Variants in DISP1 observed in about 807,000 individuals in gnomAD.
DISP1 encodes protein dispatched homolog 1.
DISP1 carries 30 observed loss-of-function variants against 37.3 expected under a neutral mutation model. The ratio of observed to expected loss-of-function variants is 0.80; its 90% CI spans 0.60 to 1.09. The LOEUF (loss-of-function observed/expected upper bound fraction) is 1.09. Ranked by LOEUF, DISP1 falls within the 50% of genes least tolerant of loss-of-function variation. The pLI is 0.00. For missense variants in DISP1, 1,598 were observed against 1,879.5 expected (o/e 0.85, Z 2.77); for synonymous variants, 634 against 690.2 (o/e 0.92, Z 1.28).
At chr1:222,977,592 A>T (rs1490024930) in intron 3 of DISP1, among the ~76,000 whole-genome samples, 1 of 145,756 alleles carries the variant, frequency 6.9e-6, no homozygotes, top group African/African-American at 2.6e-5. Flanking sequence ...CGTGCAGGTT[A>T]GTTACATATG....
intron 1 of DISP1, among the ~76,000 whole-genome samples, chr1:222,846,020 G>T (rs938913089): frequency 7.2e-5 from 11 of 152,022 alleles, no homozygotes; most frequent in African/African-American, 2.4e-4. Flanking sequence ...CCTAACCTAA[G>T]GTCTTGAAGA....
chr1:222,906,369 C>T (rs1238700642), intron 1 of DISP1, among the ~76,000 whole-genome samples: 1 of 152,120 alleles, frequency 6.6e-6, no homozygotes, highest in African/African-American at 2.4e-5. Flanking sequence ...TACAAAGTTA[C>T]CAGAGGCGTT....
chr1:222,909,839 C>T (rs1011657639), intron 1 of DISP1, among the ~76,000 whole-genome samples: 2 of 152,110 alleles, frequency 1.3e-5, no homozygotes, highest in African/African-American at 4.8e-5. Context: ...GACGGTGGAG[C>T]TCATGCCTGA....
chr1:222,975,570 C>G (rs1353793072), intron 3 of DISP1, among the ~76,000 whole-genome samples: 3 of 152,104 alleles, frequency 2.0e-5, no homozygotes, highest in African/African-American at 7.2e-5. Flanking sequence ...TTTTCTATTA[C>G]CTTTTTTAAA....
At chr1:222,825,366 C>T (rs1572165866) in intron 1 of DISP1, among the ~76,000 whole-genome samples, 1 of 152,010 alleles carries the variant, frequency 6.6e-6, no homozygotes, top group Non-Finnish European at 1.5e-5. Flanking sequence ...TAAATATATA[C>T]AATTTTTATC....
At chr1:222,865,784 TAC>T (rs1232208289) in intron 1 of DISP1, among the ~76,000 whole-genome samples, 2 of 151,950 alleles carry the variant, frequency 1.3e-5, no homozygotes, top group Non-Finnish European at 2.9e-5. Context: ...CTGATTTTTA[TAC>T]ACACACACAC....
At chr1:222,900,666 A>T (rs558744399) in intron 1 of DISP1, among the ~76,000 whole-genome samples, 1 of 152,322 alleles carries the variant, frequency 6.6e-6, no homozygotes, top group South Asian at 2.1e-4. Flanking sequence ...AATACCCAGA[A>T]CATACTTTTA....
Position 222,915,613 on chromosome 1 carries a change from A to G in DISP1, c.-158-12817A>G, listed in dbSNP as rs541532800. ...GCAGATGCCTTAATTTAGGAATGCA[A>G]CAAATAACTTACTAGTTTTCATTTT... is the stretch of plus-strand genomic sequence containing the variant. On this transcript the variant is annotated intron_variant, in intron 1 of 8. Transcript: ENST00000675850. Among the ~76,000 whole-genome samples, 6 of 152,364 alleles carry G rather than the reference A, an allele frequency of 3.9e-5. No homozygotes were observed. The South Asian group carries it at 1.2e-3, about 32-fold the overall frequency.
At chr1:222,990,604 A>G in intron 4 of DISP1, 21 bp from the exon 5 acceptor site, 2 of 1,613,764 alleles carry the variant, frequency 1.2e-6, no homozygotes, top group East Asian at 2.2e-5. Context: ...CTGATAGCCG[A>G]CACTTCTTTG....
At chr1:222,894,648 A>C (rs913133061) in intron 1 of DISP1, among the ~76,000 whole-genome samples, 1 of 152,174 alleles carries the variant, frequency 6.6e-6, no homozygotes, top group Non-Finnish European at 1.5e-5. Context: ...CTGGGTCCGC[A>C]GCCATGGCTG....
intron 3 of DISP1, among the ~76,000 whole-genome samples, chr1:222,966,453 A>C (rs1162177031): frequency 1.3e-5 from 2 of 152,184 alleles, no homozygotes; most frequent in Admixed American, 1.3e-4. Context: ...AATCAATTAA[A>C]TCTCATCTAG....
intron 3 of DISP1, among the ~76,000 whole-genome samples, chr1:222,977,709 C>T (rs12737251): frequency 0.9 from 136,517 of 151,008 alleles, 62,695 homozygotes; most frequent in Non-Finnish European, 0.98. Context: ...CAACAGGCCC[C>T]GGTGTGTGAT....
intron 3 of DISP1, among the ~76,000 whole-genome samples, chr1:222,955,082 T>C (rs1017186003): frequency 4.8e-5 from 7 of 146,270 alleles, no homozygotes; most frequent in African/African-American, 1.6e-4. Flanking sequence ...TGCTGTGTAA[T>C]CATTTTAAAG....
intron 3 of DISP1, among the ~76,000 whole-genome samples, chr1:222,949,319 G>A (rs944982335): frequency 1.3e-5 from 2 of 151,800 alleles, no homozygotes; most frequent in Admixed American, 6.6e-5. Context: ...ACTTGAATCC[G>A]AGAGGTGGAG....
intron 3 of DISP1, among the ~76,000 whole-genome samples, chr1:222,966,913 T>C (rs141911879): frequency 2.0e-5 from 3 of 152,240 alleles, no homozygotes; most frequent in African/African-American, 7.2e-5. Context: ...CCAGTCCATA[T>C]ACACTTGGAA....
intron 1 of DISP1, among the ~76,000 whole-genome samples, chr1:222,901,821 AATACTT>A (rs1242500913): frequency 2.0e-5 from 3 of 152,168 alleles, no homozygotes; most frequent in Non-Finnish European, 4.4e-5. Flanking sequence ...GCCACTGTCC[AATACTT>A]ATAGATTTTT....
At chr1:222,826,039 C>T (rs1010995713) in intron 1 of DISP1, among the ~76,000 whole-genome samples, 2 of 152,160 alleles carry the variant, frequency 1.3e-5, no homozygotes, top group African/African-American at 4.8e-5. Flanking sequence ...GTTTCTGGGA[C>T]TGTAGGTGTG....
Position 223,005,971 on chromosome 1 carries a change from A to G in DISP1, c.4574A>G (p.Ter1525=). 1.2e-6 allele frequency: 2 copies of G among 1,609,564 alleles called. No homozygotes were observed. Among genetic ancestry groups the G allele is most frequent in the South Asian group, 1.1e-5 (1 of 90,896 alleles). The part of the protein sequence containing the change: ...SGESLLIKTL[*] ...GAAAGTTTGTTAATAAAAACACTAT[A>G]ATAAATGCAGCATTCAATTCAGAAC... Residue 1525 remains the stop codon, a stop_retained_variant, in exon 9 of 9, where the codon TAA becomes TGA. Transcript: ENST00000675850.
intron 1 of DISP1, among the ~76,000 whole-genome samples, chr1:222,916,121 C>T (rs565453189): frequency 7.2e-5 from 11 of 152,270 alleles, no homozygotes; most frequent in Non-Finnish European, 1.5e-4. Context: ...ACAGGTTAAC[C>T]TGTGGATTTT....
Sources: gnomAD v4.1 joint callset for allele counts (sites outside exome capture counted in the v4.1 genomes callset) on GRCh38, gnomAD v4.1.1 for gene constraint, MANE v1.5 for transcripts, NCBI Gene and HGNC (gene_info 2026-07-23, HGNC 2026-07-21) for gene names.